TSEN15: variants seen among roughly 807,000 people sequenced by gnomAD.
TSEN15 encodes the protein tRNA splicing endonuclease subunit 15, also known as tRNA-splicing endonuclease subunit Sen15.
Under a neutral mutation model 20.5 loss-of-function variants are expected in TSEN15, and 10 were observed. The ratio of observed to expected loss-of-function variants is 0.49; its 90% CI spans 0.30 to 0.83. The LOEUF is 0.83. Among genes scored for constraint, TSEN15 ranks in the 40% least tolerant of loss-of-function variants. The pLI is 0.06. For synonymous variants in TSEN15, 72 were observed against 80.1 expected (o/e 0.90, Z 0.54); for missense variants, 180 against 218.6 (o/e 0.82, Z 1.11).
chr1:184,058,584 C>G (rs2102881229), intron 3 of TSEN15, among the ~76,000 whole-genome samples: 1 of 151,974 alleles, frequency 6.6e-6, no homozygotes, highest in South Asian at 2.1e-4. Flanking sequence ...TGTTATATAT[C>G]TAACAGTAAT....
At chr1:184,096,792 A>G (rs1190220874) in exon 4 of TSEN15, 1 of 151,494 alleles carries the variant, frequency 6.6e-6, no homozygotes, top group African/African-American at 2.4e-5. Context: ...GTGCAGGAAA[A>G]CTCCCCCTTA....
chr1:184,081,756 C>G (rs1248019411), intron 3 of TSEN15, among the ~76,000 whole-genome samples: 1 of 152,080 alleles, frequency 6.6e-6, no homozygotes, highest in African/African-American at 2.4e-5. Flanking sequence ...GGAAAGGGCA[C>G]TAAGTACCAC....
At chr1:184,065,447 G>A (rs1293308298) in intron 3 of TSEN15, among the ~76,000 whole-genome samples, 2 of 152,144 alleles carry the variant, frequency 1.3e-5, no homozygotes, top group African/African-American at 4.8e-5. Flanking sequence ...AATGCATAAT[G>A]TCATGTATTC....
intron 3 of TSEN15, among the ~76,000 whole-genome samples, chr1:184,059,019 C>G (rs997647899): frequency 6.7e-6 from 1 of 148,708 alleles, no homozygotes; most frequent in Admixed American, 6.8e-5. Flanking sequence ...ACTGAATATT[C>G]GCTTAGAAAA....
intron 3 of TSEN15, among the ~76,000 whole-genome samples, chr1:184,091,968 A>G (rs914456903): frequency 2.6e-5 from 4 of 152,186 alleles, no homozygotes; most frequent in Non-Finnish European, 5.9e-5. Flanking sequence ...TCGACTCAGC[A>G]GTTGGATGGT....
rs776676656 is a variant in TSEN15, at chr1:184,051,786, C to G, written c.31C>G (p.Pro11Ala). MEERGDSEPTPGCSGLGPGGV... is the reference protein window; with the variant it reads MEERGDSEPTAGCSGLGPGGV... ...GGAGCGCGGCGATTCCGAGCCGACC[C>G]CCGGCTGCAGCGGCCTGGGTCCGGG... The change falls in exon 1 of 5, where the codon CCC becomes GCC. Residue 11 changes from proline to alanine, a missense_variant. Coordinates refer to ENST00000645668, the MANE Select transcript of TSEN15 (RefSeq NM_052965.4). The G allele has an allele frequency of 6.6e-7, 1 of 1,520,098 alleles. No homozygotes were observed. The highest frequency in any genetic ancestry group is 1.4e-5 in the African/African-American group (1 of 70,686). 94.2% of individuals were successfully genotyped at this position (1,520,098 alleles called of 1,614,324 possible).
chr1:184,058,165 T>A (rs1421261085), intron 3 of TSEN15: 1 of 428,126 alleles, frequency 2.3e-6, no homozygotes, highest in Non-Finnish European at 4.7e-6. Context: ...TTCCAGGTGG[T>A]AATTAATGCT....
At chr1:184,089,724 T>C (rs894750686) in intron 3 of TSEN15, among the ~76,000 whole-genome samples, 1 of 151,218 alleles carries the variant, frequency 6.6e-6, no homozygotes, top group South Asian at 2.1e-4. Context: ...AAGTTAAACA[T>C]TAAAAAAAAA....
chr1:184,079,969 T>C (rs1436437527), intron 3 of TSEN15, among the ~76,000 whole-genome samples: 1 of 152,146 alleles, frequency 6.6e-6, no homozygotes, highest in African/African-American at 2.4e-5. Flanking sequence ...TGTATAAAGT[T>C]TGTGTAGTTT....
At chr1:184,058,687 T>C (rs1203719971) in intron 3 of TSEN15, among the ~76,000 whole-genome samples, 4 of 152,110 alleles carry the variant, frequency 2.6e-5, no homozygotes, top group Non-Finnish European at 5.9e-5. Context: ...TCTGATAACC[T>C]TGTATAGCAA....
chr1:184,088,371 T>C (rs1314852658), intron 3 of TSEN15, among the ~76,000 whole-genome samples: 2 of 152,114 alleles, frequency 1.3e-5, no homozygotes, highest in South Asian at 4.1e-4. Context: ...GCATGGACTT[T>C]GGTCTTTTTG....
chr1:184,089,683 C>T (rs79262164), intron 3 of TSEN15, among the ~76,000 whole-genome samples: 4,143 of 150,490 alleles, frequency 0.028, 195 homozygotes, highest in African/African-American at 0.094. Flanking sequence ...AGATAGCATG[C>T]GGAAAAAACA....
downstream of TSEN15, among the ~76,000 whole-genome samples, chr1:184,075,931 A>G (rs1572718372): frequency 1.3e-5 from 2 of 148,150 alleles, no homozygotes; most frequent in African/African-American, 5.0e-5. Context: ...TCTTAGCCAT[A>G]TGAAAGTATG....
rs147799532 is a variant in TSEN15, at chr1:184,071,589, G to T, written c.354-568G>T. On this transcript the variant is annotated intron_variant, in intron 3 of 4. Coordinates refer to ENST00000645668, the MANE Select transcript of TSEN15 (RefSeq NM_052965.4). ...GAGAGAAATTGTGATAAACTAAGAC[G>T]CAATAGTAATCTCTAGAGTCATCAC... is the stretch of plus-strand genomic sequence containing the variant. Among the ~76,000 whole-genome samples, 203 of 151,740 alleles carry T rather than the reference G, an allele frequency of 1.3e-3. 1 individual carries two copies. Among genetic ancestry groups the T allele is most frequent in the African/African-American group, 4.7e-3 (196 of 41,442 alleles).
downstream of TSEN15, among the ~76,000 whole-genome samples, chr1:184,074,780 A>G (rs1340036954): frequency 6.6e-6 from 1 of 152,058 alleles, no homozygotes; most frequent in East Asian, 1.9e-4. Flanking sequence ...ATCTGTAGTC[A>G]TTCCTGACTC....
intron 3 of TSEN15, among the ~76,000 whole-genome samples, chr1:184,070,176 A>T (rs961695561): frequency 6.6e-6 from 1 of 151,994 alleles, no homozygotes; most frequent in Admixed American, 6.6e-5. Context: ...TAAGATGGAA[A>T]TTTCTATTCT....
At chr1:184,083,290 A>C (rs753751725) in intron 3 of TSEN15, among the ~76,000 whole-genome samples, 4 of 152,124 alleles carry the variant, frequency 2.6e-5, no homozygotes, top group Non-Finnish European at 4.4e-5. Context: ...TCACCATCCC[A>C]TGCGATTTTC....
chr1:184,055,071 A>G (rs1650198705), intron 3 of TSEN15: 1 of 307,282 alleles, frequency 3.3e-6, no homozygotes, highest in Non-Finnish European at 4.9e-6. Context: ...TAATTTCTTA[A>G]AAAAAAAAGA....
At chr1:184,068,189 G>T (rs377235089) in intron 3 of TSEN15, among the ~76,000 whole-genome samples, 1 of 151,510 alleles carries the variant, frequency 6.6e-6, no homozygotes, top group African/African-American at 2.4e-5. Flanking sequence ...ACTAGAACTA[G>T]TTCTTTCTTT....
Sources: allele counts gnomAD v4.1 joint callset (sites outside exome capture counted in the v4.1 genomes callset), GRCh38; gene constraint gnomAD v4.1.1; transcripts MANE v1.5; gene names NCBI Gene and HGNC (gene_info 2026-07-23, HGNC 2026-07-21).